Variants in LHFPL3 observed in about 807,000 individuals in gnomAD.
The protein encoded by LHFPL3 is LHFPL tetraspan subfamily member 3.
A neutral mutation model predicts 19.3 loss-of-function variants in LHFPL3; 5 were observed. The ratio of observed to expected loss-of-function variants is 0.26; its 90% CI spans 0.14 to 0.54. The LOEUF (loss-of-function observed/expected upper bound fraction) is 0.54. LHFPL3 is among the 20% of genes least tolerant of loss of function. LHFPL3 has a pLI of 0.94. For missense variants in LHFPL3, 249 were observed against 307.4 expected, an observed-to-expected ratio of 0.81 and a Z score of 1.42; for synonymous variants, 133 against 126.2, an observed-to-expected ratio of 1.05 and a Z score of -0.36.
At chr7:104,338,059 A>G (rs1054392266) in intron 1 of LHFPL3, among the ~76,000 whole-genome samples, 2 of 151,686 alleles carry the variant, frequency 1.3e-5, no homozygotes, top group African/African-American at 4.8e-5. Flanking sequence ...AAGGCATATA[A>G]AAAGGGTCTT....
At chr7:104,674,172 T>G (rs888802291) in intron 1 of LHFPL3, among the ~76,000 whole-genome samples, 1 of 151,640 alleles carries the variant, frequency 6.6e-6, no homozygotes, top group African/African-American at 2.4e-5. Context: ...AGCCATGTGC[T>G]CTAGACACTG....
intron 2 of LHFPL3, among the ~76,000 whole-genome samples, chr7:104,824,534 TATATATAATTATATATA>T (rs1220534227): frequency 3.1e-4 from 23 of 73,124 alleles, no homozygotes; most frequent in African/African-American, 1.2e-3. Context: ...TTATATATAA[TATATATAATTATATATA>T]ATATATAATT....
intron 1 of LHFPL3, among the ~76,000 whole-genome samples, chr7:104,380,623 AG>A (rs1231479598): frequency 2.0e-5 from 3 of 152,178 alleles, no homozygotes; most frequent in African/African-American, 4.8e-5. Flanking sequence ...AGGAGAAAAA[AG>A]TTTCCTACAA....
chr7:104,430,374 A>G (rs1345056279), intron 1 of LHFPL3, among the ~76,000 whole-genome samples: 1 of 55,140 alleles, frequency 1.8e-5, no homozygotes, highest in African/African-American at 1.4e-4. Flanking sequence ...CTGTGGGTAT[A>G]TATATATACA....
At chr7:104,720,411 C>CTTAA (rs927377013) in intron 1 of LHFPL3, among the ~76,000 whole-genome samples, 1 of 152,084 alleles carries the variant, frequency 6.6e-6, no homozygotes, top group African/African-American at 2.4e-5. Context: ...TAAAGACTTA[C>CTTAA]ATGTTAGACC....
intron 1 of LHFPL3, among the ~76,000 whole-genome samples, chr7:104,540,781 T>C (rs1794471136): frequency 6.6e-6 from 1 of 152,150 alleles, no homozygotes; most frequent in Non-Finnish European, 1.5e-5. Flanking sequence ...AGTCAGTCAA[T>C]GGCCAACACC....
At chr7:104,675,635 G>A (rs1387988854) in intron 1 of LHFPL3, among the ~76,000 whole-genome samples, 1 of 152,156 alleles carries the variant, frequency 6.6e-6, no homozygotes, top group African/African-American at 2.4e-5. Flanking sequence ...TGATAACAGA[G>A]GAGGTAAAGA....
intron 1 of LHFPL3, among the ~76,000 whole-genome samples, chr7:104,721,037 G>T (rs1375913044): frequency 6.6e-6 from 1 of 152,084 alleles, no homozygotes; most frequent in Non-Finnish European, 1.5e-5. Flanking sequence ...CCCATTACTG[G>T]TTATATACCC....
At chr7:104,441,569 G>A (rs1037678306) in intron 1 of LHFPL3, among the ~76,000 whole-genome samples, 1 of 150,548 alleles carries the variant, frequency 6.6e-6, no homozygotes, top group Non-Finnish European at 1.5e-5. Context: ...TTGAGATCCT[G>A]ATTTTTTTAT....
chr7:104,537,334 T>A (rs1179571273), intron 1 of LHFPL3, among the ~76,000 whole-genome samples: 1 of 152,252 alleles, frequency 6.6e-6, no homozygotes, highest in East Asian at 1.9e-4. Flanking sequence ...CCATTTCCCA[T>A]GGAGGACTTT....
chr7:104,782,862 T>A (rs1350520246), intron 2 of LHFPL3, among the ~76,000 whole-genome samples: 2 of 152,270 alleles, frequency 1.3e-5, no homozygotes, highest in African/African-American at 4.8e-5. Context: ...TCCAAGCCTT[T>A]GTACATTCCG....
At chr7:104,845,537 C>A (rs2116601244) in intron 2 of LHFPL3, 1 of 1,342,568 alleles carries the variant, frequency 7.4e-7, no homozygotes, top group East Asian at 2.6e-5. Context: ...CAGCGCTTAG[C>A]ACTTGAGCCG....
At chr7:104,525,247 C>T (rs1209851203) in intron 1 of LHFPL3, among the ~76,000 whole-genome samples, 1 of 152,166 alleles carries the variant, frequency 6.6e-6, no homozygotes, top group Admixed American at 6.5e-5. Context: ...ACTCATGTCA[C>T]TGTGTCTACA....
At position 104,907,359 on chromosome 7, in the gene LHFPL3, A is replaced by G. The variant is rs1792640934; in HGVS notation, c.*1144A>G. On this transcript the variant is annotated 3_prime_UTR_variant, in exon 3 of 3. Coordinates refer to ENST00000424859, the MANE Select transcript of LHFPL3 (RefSeq NM_199000.3). The stretch of plus-strand genomic sequence containing the variant: ...CTGTATACTTATACAGGTTGAAAAA[A>G]ACTCGGTAGGAATAAGTTACCTTTT... 6.6e-6 allele frequency: 1 copy of G among 152,172 alleles called. No individual in the cohort carries two copies. The highest frequency in any genetic ancestry group is 2.4e-5 in the African/African-American group (1 of 41,432). 9.4% of individuals were successfully genotyped at this position (152,172 alleles called of 1,614,324 possible).
intron 1 of LHFPL3, among the ~76,000 whole-genome samples, chr7:104,503,460 CAAAG>C (rs1253167991): frequency 2.0e-5 from 3 of 152,120 alleles, no homozygotes; most frequent in African/African-American, 7.2e-5. Context: ...TTATGAGAAA[CAAAG>C]AAAACATTTT....
At chr7:104,386,680 A>G (rs974203431) in intron 1 of LHFPL3, among the ~76,000 whole-genome samples, 1 of 152,246 alleles carries the variant, frequency 6.6e-6, no homozygotes. Context: ...GTGCCCTGAT[A>G]TACGTGTAGG....
chr7:104,809,845 G>A (rs530395192), intron 2 of LHFPL3, among the ~76,000 whole-genome samples: 10 of 152,306 alleles, frequency 6.6e-5, no homozygotes, highest in African/African-American at 2.4e-4. Flanking sequence ...GCTATGCACA[G>A]AGCCAGGTGC....
chr7:104,880,984 C>T (rs1325619369), intron 2 of LHFPL3, among the ~76,000 whole-genome samples: 1 of 152,038 alleles, frequency 6.6e-6, no homozygotes, highest in Non-Finnish European at 1.5e-5. Flanking sequence ...TCCTGGCTAA[C>T]ACAATGAAAC....
chr7:104,401,813 G>A (rs1329198516), intron 1 of LHFPL3, among the ~76,000 whole-genome samples: 1 of 152,144 alleles, frequency 6.6e-6, no homozygotes, highest in Non-Finnish European at 1.5e-5. Flanking sequence ...TGATGTTTGA[G>A]CGGCTCAGCC....
Sources: gnomAD v4.1 joint callset for allele counts (sites outside exome capture counted in the v4.1 genomes callset) on GRCh38, gnomAD v4.1.1 for gene constraint, MANE v1.5 for transcripts, NCBI Gene and HGNC (gene_info 2026-07-23, HGNC 2026-07-21) for gene names.